The following SHTN1 variants were observed in gnomAD, a reference collection of about 807,000 sequenced individuals.
SHTN1 encodes the protein shootin 1, also known as shootin-1.
Under a neutral mutation model 83.1 loss-of-function variants are expected in SHTN1, and 42 were observed. The observed-to-expected ratio is 0.51, with a 90% CI of 0.39 to 0.65. The LOEUF is 0.65. Among genes scored for constraint, SHTN1 ranks in the 30% least tolerant of loss-of-function variants. SHTN1 has a pLI of 0.00. For synonymous variants in SHTN1, 224 were observed against 247.7 expected (o/e 0.90, Z 0.90); for missense variants, 622 against 737.8 (o/e 0.84, Z 1.82).
chr10:117,064,483 G>C (rs771422821), intron 1 of SHTN1, among the ~76,000 whole-genome samples: 2 of 151,972 alleles, frequency 1.3e-5, no homozygotes, highest in Non-Finnish European at 2.9e-5. Context: ...GTGAAACTCC[G>C]TCTCTACTAA....
chr10:117,071,381 G>A (rs575825454), intron 1 of SHTN1, among the ~76,000 whole-genome samples: 1 of 152,310 alleles, frequency 6.6e-6, no homozygotes, highest in East Asian at 1.9e-4. Context: ...TGAAGGAAAT[G>A]AAATCTGCAT....
intron 1 of SHTN1, among the ~76,000 whole-genome samples, chr10:117,112,169 T>A (rs1853777431): frequency 6.6e-6 from 1 of 152,160 alleles, no homozygotes; most frequent in South Asian, 2.1e-4. Context: ...TTTTGCCATG[T>A]TGCTCAGGCT....
chr10:117,114,406 T>TG (rs1466989088), intron 1 of SHTN1, among the ~76,000 whole-genome samples: 6 of 152,068 alleles, frequency 3.9e-5, no homozygotes, highest in Non-Finnish European at 8.8e-5. Context: ...CAAGAGGGGT[T>TG]GGGGGCAGCC....
intron 5 of SHTN1, among the ~76,000 whole-genome samples, chr10:116,952,314 T>G (rs1346042607): frequency 6.6e-6 from 1 of 152,186 alleles, no homozygotes; most frequent in Non-Finnish European, 1.5e-5. Flanking sequence ...AAGTAAAATT[T>G]TTTAAGTTTT....
chr10:117,086,673 G>A (rs1404052990), intron 1 of SHTN1, among the ~76,000 whole-genome samples: 1 of 152,182 alleles, frequency 6.6e-6, no homozygotes, highest in Non-Finnish European at 1.5e-5. Flanking sequence ...AAAGGAGGCA[G>A]ACATTATGGA....
intron 3 of SHTN1, among the ~76,000 whole-genome samples, chr10:116,962,614 C>A (rs545993518): frequency 2.0e-5 from 3 of 152,034 alleles, no homozygotes; most frequent in Non-Finnish European, 4.4e-5. Flanking sequence ...GAGGTTTAGG[C>A]CTAGCAAATA....
At chr10:117,094,954 T>C (rs1199040166) in intron 1 of SHTN1, among the ~76,000 whole-genome samples, 2 of 152,342 alleles carry the variant, frequency 1.3e-5, no homozygotes, top group East Asian at 3.9e-4. Flanking sequence ...TTAATGACGC[T>C]GACATCGGAG....
At chr10:117,077,733 G>GT (rs1023094961) in intron 1 of SHTN1, among the ~76,000 whole-genome samples, 8 of 152,000 alleles carry the variant, frequency 5.3e-5, no homozygotes, top group African/African-American at 1.9e-4. Context: ...GCGGTGTTTG[G>GT]TTTTTTGTCC....
chr10:116,886,609 G>C (rs199659749), intron 16 of SHTN1, 43 bp from the exon 17 acceptor site: 3 of 1,608,072 alleles, frequency 1.9e-6, no homozygotes, highest in Non-Finnish European at 2.5e-6. Flanking sequence ...AAAGCAGAGA[G>C]AGAAAATAGT....
In SHTN1 at chr10:117,005,167, G is replaced by C; in HGVS notation, c.-88C>G. The stretch of plus-strand genomic sequence containing the variant: ...GGGGAAGAAAAAGCAAGATGCCGGT[G>C]GCTTGCGGCTCCACTACCCGGAAGT... On this transcript the variant is annotated 5_prime_UTR_variant, in exon 1 of 17. Coordinates refer to ENST00000355371, the MANE Select transcript of SHTN1 (RefSeq NM_001127211.3). 6.5e-7 allele frequency: 1 copy of C among 1,544,760 alleles called. No individual in the cohort carries two copies. The highest frequency in any genetic ancestry group is 8.7e-7 in the Non-Finnish European group (1 of 1,145,076).
intron 1 of SHTN1, among the ~76,000 whole-genome samples, chr10:116,991,822 T>C (rs1348948001): frequency 6.6e-6 from 1 of 152,234 alleles, no homozygotes; most frequent in Non-Finnish European, 1.5e-5. Context: ...AATGGAACTA[T>C]ACATTCGAGG....
At chr10:117,124,133 C>G (rs1047516987) in intron 1 of SHTN1, among the ~76,000 whole-genome samples, 1 of 150,600 alleles carries the variant, frequency 6.6e-6, no homozygotes, top group Non-Finnish European at 1.5e-5. Context: ...GTCCCTTGAG[C>G]CTGGGAGGTT....
chr10:116,986,755 G>A (rs1471817924), intron 1 of SHTN1, among the ~76,000 whole-genome samples: 2 of 129,024 alleles, frequency 1.6e-5, no homozygotes, highest in East Asian at 2.3e-4. Context: ...ACAGAGTGTC[G>A]CTCTGTCACC....
intron 2 of SHTN1, among the ~76,000 whole-genome samples, chr10:116,974,868 C>T (rs1357425967): frequency 6.7e-6 from 1 of 149,770 alleles, no homozygotes; most frequent in Non-Finnish European, 1.5e-5. Flanking sequence ...TGATAAAGAT[C>T]CTGAGTGAGT....
intron 2 of SHTN1, among the ~76,000 whole-genome samples, chr10:117,042,013 G>A (rs1852590796): frequency 6.6e-6 from 1 of 152,168 alleles, no homozygotes; most frequent in Non-Finnish European, 1.5e-5. Flanking sequence ...ATGCTACTCA[G>A]TTAATTTAGT....
At chr10:117,126,098 T>C (rs1854001870) in intron 1 of SHTN1, among the ~76,000 whole-genome samples, 1 of 152,194 alleles carries the variant, frequency 6.6e-6, no homozygotes, top group South Asian at 2.1e-4. Flanking sequence ...CGCTAGGTGC[T>C]GGCAGGGGCC....
intron 1 of SHTN1, among the ~76,000 whole-genome samples, chr10:116,998,018 G>C (rs1851686800): frequency 6.6e-6 from 1 of 152,138 alleles, no homozygotes; most frequent in South Asian, 2.1e-4. Context: ...TGTGAACCTG[G>C]GAGGCGGAGC....
rs1470481962 is a variant in SHTN1 at position 117,013,010 on chromosome 10, GT to G, written c.-122-33703del. ...GAGCTGGAGGATTTTGAGCCTAGAA[GT>G]TTAAGGCTGCAGTGAACCACTGCAT... On this transcript the variant is annotated intron_variant, in intron 2 of 17. Transcript: ENST00000392901. Among the ~76,000 whole-genome samples the G allele has an allele frequency of 1.1e-4, 16 of 152,142 alleles. No homozygotes were observed. In the East Asian group the frequency reaches 3.1e-3, roughly 29 times the overall value.
intron 1 of SHTN1, among the ~76,000 whole-genome samples, chr10:117,072,817 A>C (rs1388609737): frequency 6.6e-6 from 1 of 152,178 alleles, no homozygotes; most frequent in Non-Finnish European, 1.5e-5. Flanking sequence ...TAACACCCCC[A>C]AAAATCACAC....
Sources: gnomAD v4.1 joint callset for allele counts (sites outside exome capture counted in the v4.1 genomes callset) on GRCh38, gnomAD v4.1.1 for gene constraint, MANE v1.5 for transcripts, NCBI Gene and HGNC (gene_info 2026-07-23, HGNC 2026-07-21) for gene names.